CHD6: variants seen among roughly 807,000 people sequenced by gnomAD.
The protein encoded by CHD6 is ATP-dependent chromatin remodeler CHD6.
CHD6 carries 50 observed loss-of-function variants against 276.9 expected under a neutral mutation model. The observed-to-expected ratio is 0.18, with a 90% confidence interval of 0.14 to 0.23. The LOEUF is 0.23. Among genes scored for constraint, CHD6 ranks in the 10% least tolerant of loss-of-function variants. CHD6 has a pLI of 1.00. For missense variants in CHD6, 2,564 were observed against 3,365.8 expected (o/e 0.76, Z 5.89); for synonymous variants, 1,173 against 1,229.3 (o/e 0.95, Z 0.96).
rs1198162841 is a variant in CHD6, at chr20:41,405,190, C to T, written c.7551G>A (p.Met2517Ile). 4.3e-6 allele frequency: 7 copies of T among 1,614,228 alleles called. No homozygotes were observed. Among genetic ancestry groups the T allele is most frequent in the Admixed American group, 1.7e-5 (1 of 60,028 alleles). The stretch of plus-strand genomic sequence containing the variant: ...CCATGCCTGGCAGCATCATGGGCAG[C>T]ATGCTCAGGGTACTTTTGACCTCTT... ...TGEEVKSTLS[M>I]LPMMLPGMAA... The change falls in exon 37 of 37, where the codon ATG (methionine) becomes ATA (isoleucine). Residue 2517 changes from methionine (M) to isoleucine (I), a missense_variant. Transcript: ENST00000373233.
In CHD6 at chr20:41,420,950, C is replaced by A. The variant is rs2047169462; in HGVS notation, c.5685G>T (p.Glu1895Asp). ...GERPEVLHLT[E>D]PTTNISREKN... ...TTTCCCTTGAGATGTTAGTAGTGGG[C>A]TCCGTGAGATGCAATACCTCTGGCC... Residue 1895 changes from glutamate to aspartate, a missense_variant, in exon 31 of 37, where the codon GAG becomes GAT. This residue lies in a region of CHD6 where 1,024 missense variants were observed against 1,047.9 expected (regional missense o/e 0.98). Transcript: ENST00000373233. 5 of 1,614,212 alleles carry A rather than the reference C, an allele frequency of 3.1e-6. No individual in the cohort carries two copies. The highest frequency in any genetic ancestry group is 3.4e-6 in the Non-Finnish European group (4 of 1,180,030).
chr20:41,481,500 AAG>A (rs1439819794), intron 16 of CHD6, among the ~76,000 whole-genome samples: 2 of 152,234 alleles, frequency 1.3e-5, no homozygotes, highest in Non-Finnish European at 1.5e-5. Context: ...TTACAAATTA[AAG>A]AGAGAATAAT....
chr20:41,488,180 A>G (rs1158214543), intron 13 of CHD6, among the ~76,000 whole-genome samples: 2 of 152,180 alleles, frequency 1.3e-5, no homozygotes, highest in Non-Finnish European at 2.9e-5. Context: ...TCCAAGTCAT[A>G]TATTTCATGG....
Position 41,412,267 on chromosome 20 carries a change from G to C in CHD6, c.7132-4C>G. ...GCTTTGGTTTGTCTGAAAAATTCTA[G>C]GATGAAAACGGAGACCAATATTACA... On this transcript the variant is annotated splice_polypyrimidine_tract_variant and splice_region_variant and intron_variant, in intron 35 of 36. Transcript: ENST00000373233. The C allele has an allele frequency of 6.2e-7, 1 of 1,613,878 alleles. No homozygotes were observed. The highest frequency in any genetic ancestry group is 8.5e-7 in the Non-Finnish European group (1 of 1,179,870).
rs180789770 is a variant in CHD6, at chr20:41,449,131, G to A, written c.3684-1160C>T. Among the ~76,000 whole-genome samples the A allele has an allele frequency of 2.8e-3, 419 of 152,270 alleles. 2 individuals carry two copies. Among genetic ancestry groups the A allele is most frequent in the Middle Eastern group, 0.024 (7 of 294 alleles). ...TTGGCCAGGCTGGTCTTGAACTCCTGATCTCAGGTGATTCACCCGCCCCGG... is the reference window on the plus strand; with the variant it reads ...TTGGCCAGGCTGGTCTTGAACTCCTAATCTCAGGTGATTCACCCGCCCCGG... On this transcript the variant is annotated intron_variant, in intron 23 of 36. Coordinates refer to ENST00000373233, the MANE Select transcript of CHD6 (RefSeq NM_032221.5).
At position 41,448,157 on chromosome 20, in the gene CHD6, C is replaced by CA. The variant is rs951480864; in HGVS notation, c.3684-187dup. On this transcript the variant is annotated intron_variant, in intron 23 of 36. Transcript: ENST00000373233. ...CATTATTATGATCATTCCTATTTTA[C>CA]AAAAAAAAATGACCACATCAGTTAT... Among the ~76,000 whole-genome samples the CA allele has an allele frequency of 6.4e-4, 97 of 150,726 alleles. 1 individual carries two copies. The highest frequency in any genetic ancestry group is 1.7e-3 in the African/African-American group (71 of 41,114).
At chr20:41,572,352 A>C (rs559188038) in intron 1 of CHD6, among the ~76,000 whole-genome samples, 1 of 152,188 alleles carries the variant, frequency 6.6e-6, no homozygotes, top group African/African-American at 2.4e-5. Context: ...TGCACAAAGC[A>C]CAAAGCACAT....
intron 16 of CHD6, chr20:41,482,673 AAAGT>A (rs2043322510): frequency 2.6e-6 from 1 of 383,186 alleles, no homozygotes; most frequent in Non-Finnish European, 5.1e-6. Flanking sequence ...CGGAAAATCT[AAAGT>A]AATACACATG....
Position 41,617,939 on chromosome 20 carries a change from GCCCGCCCCGGGGGGGGCCTCGGCACGC to G in CHD6, c.-24+374_-24+400del, listed in dbSNP as rs936306488. Among the ~76,000 whole-genome samples, 44 of 145,774 alleles carry G rather than the reference GCCCGCCCCGGGGGGGGCCTCGGCACGC, an allele frequency of 3.0e-4. 1 individual carries two copies. Among genetic ancestry groups the G allele is most frequent in the Admixed American group, 2.5e-3 (37 of 14,790 alleles). On this transcript the variant is annotated intron_variant, in intron 1 of 36. Transcript: ENST00000373233. ...CGGCTGGGCCCGGGGGTCCCACCGC[GCCCGCCCCGGGGGGGGCCTCGGCACGC>G]CCCGCCCCCGCCCGCCAGGCCCGCG...
At position 41,415,400 on chromosome 20, in the gene CHD6, A is replaced by C; in HGVS notation, c.6725T>G (p.Ile2242Ser). 6.2e-7 allele frequency: 1 copy of C among 1,613,504 alleles called. No homozygotes were observed. Among genetic ancestry groups the C allele is most frequent in the Non-Finnish European group, 8.5e-7 (1 of 1,179,722 alleles). ...PFPVSASTPK[I>S]GAISSLQGAL... ...TCCCTGAAGTGAACTGATAGCCCCAATCTTAGGGGTGCTGGCGCTCACTGG... is the reference window on the plus strand; with the variant it reads ...TCCCTGAAGTGAACTGATAGCCCCACTCTTAGGGGTGCTGGCGCTCACTGG... Residue 2242 changes from isoleucine (I) to serine (S), a missense_variant, in exon 34 of 37, where the codon ATT (isoleucine) becomes AGT (serine). Around this residue, in one of 7 missense-constraint regions of CHD6, gnomAD observed 1,024 missense variants for 1,047.9 expected, o/e 0.98. Transcript: ENST00000373233.
In CHD6 at chr20:41,453,231, C is replaced by T. The variant is rs373227731; in HGVS notation, c.3121-289G>A. On this transcript the variant is annotated intron_variant, in intron 20 of 36. Transcript: ENST00000373233. ...GGGTGTGGGCAGGCAAGGCCCCCCC[C>T]CAGTGACCAAAGTGGTGTCGGCTCT... Among the ~76,000 whole-genome samples, 80 of 152,212 alleles carry T rather than the reference C, an allele frequency of 5.3e-4. No individual in the cohort carries two copies. The East Asian group carries it at 0.013, about 24-fold the overall frequency.
intron 27 of CHD6, 44 bp from the exon 28 acceptor site, chr20:41,426,197 G>C (rs2047358154): frequency 1.5e-6 from 2 of 1,331,132 alleles, no homozygotes; most frequent in Non-Finnish European, 2.2e-6. Flanking sequence ...CTGCAGCTTA[G>C]AAGAAACCAG....
At chr20:41,475,605 G>T (rs1049354214) in intron 16 of CHD6, among the ~76,000 whole-genome samples, 1 of 152,130 alleles carries the variant, frequency 6.6e-6, no homozygotes, top group Non-Finnish European at 1.5e-5. Flanking sequence ...TGCAATAGAG[G>T]AAGCACAATA....
rs574772250 is a variant in CHD6, at chr20:41,473,598, G to A, written c.2469-81C>T. ...ACAGCACAAAATGCAGGAAGCTGTC[G>A]ACTGATGGCCTTAAATCCCTCACTT... On this transcript the variant is annotated intron_variant, in intron 16 of 36. Transcript: ENST00000373233. This position sits in a 1 kb window ranked among gnomAD's most constrained non-coding sequence, Gnocchi z 4.1. The A allele has an allele frequency of 3.7e-4, 429 of 1,163,440 alleles. 1 individual carries two copies. Among genetic ancestry groups the A allele is most frequent in the South Asian group, 9.9e-4 (72 of 72,768 alleles). The allele number at this position is 1,163,440 out of a possible 1,614,324, so 72.1% of individuals were successfully genotyped here. A position where few individuals can be genotyped will look rare whatever the true frequency, so the allele number is the denominator to read the frequency against.
At chr20:41,579,129 C>CAAAA (rs58395642) in intron 1 of CHD6, among the ~76,000 whole-genome samples, 2 of 42,802 alleles carry the variant, frequency 4.7e-5, no homozygotes, top group African/African-American at 1.1e-4. Flanking sequence ...GACTCCATCT[C>CAAAA]AAAAAAAAAA....
intron 1 of CHD6, among the ~76,000 whole-genome samples, chr20:41,615,638 T>C (rs1183425016): frequency 6.6e-6 from 1 of 152,268 alleles, no homozygotes. Context: ...GATATGTATA[T>C]ACTGTCATTG....
intron 1 of CHD6, among the ~76,000 whole-genome samples, chr20:41,586,950 G>A (rs945822206): frequency 6.6e-6 from 1 of 152,160 alleles, no homozygotes; most frequent in African/African-American, 2.4e-5. Context: ...ATCATGTGAG[G>A]AGGAGGAATC....
Position 41,457,829 on chromosome 20 carries a change from A to G in CHD6, c.2665-401T>C, listed in dbSNP as rs149861288. ...TAAAATTTTGCTACTGAAATTTTCA[A>G]ACATAGATCAAAATATAGGGAAGTA... On this transcript the variant is annotated intron_variant, in intron 17 of 36. Transcript: ENST00000373233. Among the ~76,000 whole-genome samples, 302 of 152,326 alleles carry G rather than the reference A, an allele frequency of 2.0e-3. 1 individual carries two copies. The highest frequency in any genetic ancestry group is 2.3e-3 in the Admixed American group (35 of 15,306).
chr20:41,447,044 C>T (rs2048091129), intron 24 of CHD6, among the ~76,000 whole-genome samples: 1 of 152,150 alleles, frequency 6.6e-6, no homozygotes, highest in South Asian at 2.1e-4. Context: ...ACAATAGTGA[C>T]TCTGAAAGGC....
Sources: allele counts gnomAD v4.1 joint callset (sites outside exome capture counted in the v4.1 genomes callset), GRCh38; gene constraint gnomAD v4.1.1; regional missense constraint gnomAD v4.1.1; non-coding constraint Gnocchi (gnomAD v3.1); transcripts MANE v1.5; gene names NCBI Gene and HGNC (gene_info 2026-07-23, HGNC 2026-07-21).